SP4: variants seen among roughly 807,000 people sequenced by gnomAD.
SP4 encodes transcription factor Sp4.
A neutral mutation model predicts 72.8 loss-of-function variants in SP4; 19 were observed. That is an observed-to-expected ratio of 0.26 (90% confidence interval 0.18 to 0.38). SP4 has a LOEUF of 0.38. SP4 is among the 10% of genes least tolerant of loss of function. The pLI is 1.00. For synonymous variants in SP4, 395 were observed against 333.1 expected (o/e 1.19, Z -2.02); for missense variants, 1,008 against 926.3 (o/e 1.09, Z -1.14).
chr7:21,461,728 A>T (rs1783996700), intron 3 of SP4, among the ~76,000 whole-genome samples: 1 of 152,216 alleles, frequency 6.6e-6, no homozygotes, highest in African/African-American at 2.4e-5. Context: ...CCTCAAGCGC[A>T]GCCAGAATGG....
At chr7:21,469,691 G>A (rs1186609406) in intron 3 of SP4, among the ~76,000 whole-genome samples, 3 of 151,606 alleles carry the variant, frequency 2.0e-5, no homozygotes, top group Non-Finnish European at 2.9e-5. Flanking sequence ...ACAGGTGCCC[G>A]CCACCACACC....
At chr7:21,453,975 T>C (rs1396876566) in intron 3 of SP4, among the ~76,000 whole-genome samples, 4 of 149,878 alleles carry the variant, frequency 2.7e-5, no homozygotes, top group Admixed American at 6.6e-5. Flanking sequence ...TCCCATGCCT[T>C]CTTATGATAT....
chr7:21,430,174 A>C lies in SP4; in HGVS notation c.1009A>C (p.Thr337Pro), dbSNP rs751481798. 1 of 1,614,180 alleles carries C rather than the reference A, an allele frequency of 6.2e-7. No individual in the cohort carries two copies. Among genetic ancestry groups the C allele is most frequent in the Non-Finnish European group, 8.5e-7 (1 of 1,180,026 alleles). ...TTCAACGTCTTTGACAAGCAGTGAC[A>C]CATTAGTGAGCTCAGCAGATACTGG... ...TASTSLTSSD[T>P]LVSSADTGQY... Residue 337 changes from threonine to proline, a missense_variant, in exon 3 of 6, where the codon ACA becomes CCA. Around this residue, in one of 3 missense-constraint regions of SP4, gnomAD observed 893 missense variants for 743.3 expected, o/e 1.20. Coordinates refer to ENST00000222584, the MANE Select transcript of SP4 (RefSeq NM_003112.5).
intron 3 of SP4, among the ~76,000 whole-genome samples, chr7:21,435,494 C>G (rs1163674353): frequency 6.6e-6 from 1 of 152,054 alleles, no homozygotes; most frequent in Non-Finnish European, 1.5e-5. Flanking sequence ...TCCAGAGCTA[C>G]TAAAGGTGGA....
intron 5 of SP4, among the ~76,000 whole-genome samples, chr7:21,506,222 C>T (rs1385564274): frequency 6.6e-6 from 1 of 152,134 alleles, no homozygotes; most frequent in Non-Finnish European, 1.5e-5. Context: ...AGTTCTGTAG[C>T]CCTTGGTTGG....
intron 3 of SP4, among the ~76,000 whole-genome samples, chr7:21,450,003 G>A (rs1196825581): frequency 6.6e-6 from 1 of 151,590 alleles, no homozygotes; most frequent in Non-Finnish European, 1.5e-5. Flanking sequence ...ATTTAATATA[G>A]TTATTTATAT....
At chr7:21,460,896 C>T (rs956562612) in intron 3 of SP4, among the ~76,000 whole-genome samples, 2 of 151,514 alleles carry the variant, frequency 1.3e-5, no homozygotes, top group African/African-American at 4.9e-5. Context: ...CACAGAGTGC[C>T]GATTGGTGCA....
chr7:21,508,924 A>G (rs1322338073), intron 5 of SP4, among the ~76,000 whole-genome samples: 3 of 149,638 alleles, frequency 2.0e-5, no homozygotes, highest in Non-Finnish European at 2.9e-5. Flanking sequence ...TAATTAATGG[A>G]TGGTGTTGCT....
chr7:21,482,830 A>G (rs1210194103), intron 5 of SP4: 6 of 800,788 alleles, frequency 7.5e-6, no homozygotes, highest in Non-Finnish European at 6.0e-6. Context: ...ACATATATGT[A>G]TATTTGCATA....
intron 3 of SP4, among the ~76,000 whole-genome samples, chr7:21,466,004 T>C (rs755408692): frequency 6.6e-6 from 1 of 152,192 alleles, no homozygotes; most frequent in Non-Finnish European, 1.5e-5. Flanking sequence ...CCCACTGCCT[T>C]CCCATTTGCC....
intron 5 of SP4, among the ~76,000 whole-genome samples, chr7:21,509,932 G>A (rs1782100024): frequency 6.6e-6 from 1 of 152,202 alleles, no homozygotes; most frequent in African/African-American, 2.4e-5. Context: ...TCACAATCAT[G>A]GTGGAGGGCA....
chr7:21,441,510 A>G (rs564628840), intron 3 of SP4, among the ~76,000 whole-genome samples: 3 of 152,360 alleles, frequency 2.0e-5, no homozygotes, highest in South Asian at 2.1e-4. Context: ...TGCCAAAATA[A>G]TAATAATAAA....
At chr7:21,482,554 C>G (rs1287731332) in intron 5 of SP4, 1 of 510,998 alleles carries the variant, frequency 2.0e-6, no homozygotes, top group African/African-American at 2.1e-5. Context: ...ATCTAACAAC[C>G]CTCAGTCAGA....
At chr7:21,491,765 G>C (rs1784985057) in intron 5 of SP4, among the ~76,000 whole-genome samples, 1 of 152,240 alleles carries the variant, frequency 6.6e-6, no homozygotes, top group South Asian at 2.1e-4. Flanking sequence ...ACCATTTTAT[G>C]TCCAAGGAAA....
At chr7:21,430,935 T>C in intron 3 of SP4, 92 bp downstream of exon 3, 1 of 905,572 alleles carries the variant, frequency 1.1e-6, no homozygotes, top group Non-Finnish European at 1.7e-6. Context: ...GACGTAGACC[T>C]CTGAAGTAAA....
intron 3 of SP4, among the ~76,000 whole-genome samples, chr7:21,445,443 C>G (rs1435250238): frequency 6.6e-6 from 1 of 152,136 alleles, no homozygotes; most frequent in Admixed American, 6.5e-5. Context: ...GTAGCATTAG[C>G]TTAGTTGACA....
rs1491187756 is a variant in SP4 at position 21,442,004 on chromosome 7, GTT to G, written c.1678+11163_1678+11164del. 9.8e-4 allele frequency among the ~76,000 whole-genome samples: 84 copies of G among 86,080 alleles called. 1 individual carries two copies. Among genetic ancestry groups the G allele is most frequent in the African/African-American group, 4.1e-3 (79 of 19,422 alleles). The allele number at this position is 86,080 out of a possible 152,430, so 56.5% of individuals were successfully genotyped here. ...TTTATTTCATTTTATGTGTGTGTGT[GTT>G]TGTGTGTGTGTGTGTGTGTGTGTGT... On this transcript the variant is annotated intron_variant, in intron 3 of 5. Coordinates refer to ENST00000222584, the MANE Select transcript of SP4 (RefSeq NM_003112.5).
intron 5 of SP4, among the ~76,000 whole-genome samples, chr7:21,494,279 A>G (rs1416189072): frequency 5.3e-5 from 8 of 152,212 alleles, no homozygotes; most frequent in Admixed American, 2.6e-4. Context: ...TGGAATTTCT[A>G]CCCAGTGCAG....
At chr7:21,479,719 A>G (rs1026470142) in intron 4 of SP4, among the ~76,000 whole-genome samples, 6 of 152,208 alleles carry the variant, frequency 3.9e-5, no homozygotes, top group African/African-American at 1.4e-4. Flanking sequence ...CACTTTGGGG[A>G]CGGTTGCCAG....
Sources: gnomAD v4.1 joint callset for allele counts (sites outside exome capture counted in the v4.1 genomes callset) on GRCh38, gnomAD v4.1.1 for gene constraint, gnomAD v4.1.1 regional missense constraint, MANE v1.5 for transcripts, NCBI Gene and HGNC (gene_info 2026-07-23, HGNC 2026-07-21) for gene names.